The following PHIP variants were observed in gnomAD, a reference collection of about 807,000 sequenced individuals.
PHIP encodes PH-interacting protein.
Under a neutral mutation model 236.8 loss-of-function variants are expected in PHIP, and 54 were observed. The ratio of observed to expected loss-of-function variants is 0.23; its 90% confidence interval spans 0.18 to 0.29. PHIP has a LOEUF of 0.29. Ranked by LOEUF, PHIP falls within the 10% of genes least tolerant of loss-of-function variation. The pLI, the probability that PHIP is intolerant of heterozygous loss-of-function variation, is 1.00. For synonymous variants in PHIP, 756 were observed against 718.9 expected, an observed-to-expected ratio of 1.05 and a Z score of -0.83; for missense variants, 1,370 against 2,190.8, an observed-to-expected ratio of 0.63 and a Z score of 7.48.
rs550750750 is a variant in PHIP at position 79,006,126 on chromosome 6, T to C, written c.1525-2268A>G. ...AATCATATCAGAAAAAAGAAAAGGA[T>C]ATTATTTGGATTAACCATTTGTTTA... On this transcript the variant is annotated intron_variant, in intron 15 of 39. Transcript: ENST00000275034. Among the ~76,000 whole-genome samples, 475 of 152,042 alleles carry C rather than the reference T, an allele frequency of 3.1e-3. 3 individuals are homozygous for C. The highest frequency in any genetic ancestry group is 0.011 in the African/African-American group (441 of 41,530).
At chr6:78,955,170 G>A in intron 34 of PHIP, 62 bp downstream of exon 34, 1 of 1,155,172 alleles carries the variant, frequency 8.7e-7, no homozygotes, top group South Asian at 1.5e-5. Context: ...AAAAAATAAA[G>A]AAAGCTCTTA....
intron 6 of PHIP, among the ~76,000 whole-genome samples, chr6:79,059,444 T>C (rs982027797): frequency 6.6e-5 from 10 of 151,368 alleles, no homozygotes; most frequent in Non-Finnish European, 8.8e-5. Context: ...AGTTAGATAG[T>C]AGATTTAAAC....
Position 79,033,501 on chromosome 6 carries a change from T to C in PHIP, c.601-7337A>G, listed in dbSNP as rs1168433568. 3.9e-5 allele frequency among the ~76,000 whole-genome samples: 6 copies of C among 152,230 alleles called. No homozygotes were observed. The East Asian group carries it at 1.2e-3, about 29-fold the overall frequency. The stretch of plus-strand genomic sequence containing the variant: ...TGCTTCACGTTGCACTTTTATGTTA[T>C]GGAGATGGCTTTTTTCCTTAAACCT... On this transcript the variant is annotated intron_variant, in intron 7 of 39. Coordinates refer to ENST00000275034, the MANE Select transcript of PHIP (RefSeq NM_017934.7).
In PHIP at chr6:78,953,747, G is replaced by A. The variant is rs193105723; in HGVS notation, c.4053+1067C>T. ...TGTAAGTTAGAACAAAAATTAGCCC[G>A]GCTAATTTTTGTACTTTTAGTAGAG... On this transcript the variant is annotated intron_variant, in intron 35 of 39. Transcript: ENST00000275034. Among the ~76,000 whole-genome samples, 488 of 151,984 alleles carry A rather than the reference G, an allele frequency of 3.2e-3. 3 individuals carry two copies. Among genetic ancestry groups the A allele is most frequent in the African/African-American group, 0.011 (441 of 41,476 alleles).
At position 78,936,349 on chromosome 6, in the gene PHIP, A is replaced by G. The variant is rs1214076870; in HGVS notation, c.*4344T>C. ...CCTGTGACAGGATTTAAGTTTTCTA[A>G]AAGATCTTCAGTAAGACCCCTGTCT... On this transcript the variant is annotated 3_prime_UTR_variant, in exon 40 of 40. Transcript: ENST00000275034. The G allele has an allele frequency of 6.6e-6, 1 of 151,896 alleles. No individual in the cohort carries two copies. Among genetic ancestry groups the G allele is most frequent in the African/African-American group, 2.4e-5 (1 of 41,422 alleles). 9.4% of individuals were successfully genotyped at this position (151,896 alleles called of 1,614,324 possible).
chr6:79,046,375 A>T lies in PHIP; in HGVS notation c.440-3372T>A, dbSNP rs139035882. Among the ~76,000 whole-genome samples, 81 of 152,212 alleles carry T rather than the reference A, an allele frequency of 5.3e-4. No individual in the cohort carries two copies. In the East Asian group the frequency reaches 0.013, roughly 24 times the overall value. On this transcript the variant is annotated intron_variant, in intron 6 of 39. Coordinates refer to ENST00000275034, the MANE Select transcript of PHIP (RefSeq NM_017934.7). ...CCCCTGCCATCACCCATAACTTCTG[A>T]TCCCCTTTTATTCAGCTTTATATTT...
chr6:79,067,374 T>C (rs1052698746), intron 4 of PHIP, among the ~76,000 whole-genome samples: 1 of 152,246 alleles, frequency 6.6e-6, no homozygotes, highest in Non-Finnish European at 1.5e-5. Flanking sequence ...TTGCTTGCTA[T>C]GGGAACAACA....
intron 15 of PHIP, 68 bp from the exon 16 acceptor site, chr6:79,003,926 C>T: frequency 9.7e-7 from 1 of 1,035,868 alleles, no homozygotes; most frequent in Non-Finnish European, 1.4e-6. Context: ...ACTATTATTA[C>T]AATAATTTTA....
intron 19 of PHIP, among the ~76,000 whole-genome samples, chr6:78,996,235 T>C (rs955361110): frequency 6.6e-6 from 1 of 152,180 alleles, no homozygotes; most frequent in African/African-American, 2.4e-5. Flanking sequence ...CCCTGCATCT[T>C]AAAGAAGCAA....
At chr6:79,000,309 T>C (rs961284779) in intron 17 of PHIP, among the ~76,000 whole-genome samples, 2 of 152,000 alleles carry the variant, frequency 1.3e-5, no homozygotes, top group Admixed American at 6.6e-5. Context: ...TACCAACAAC[T>C]GGTATCTATT....
intron 7 of PHIP, among the ~76,000 whole-genome samples, chr6:79,029,245 C>A (rs1032721832): frequency 7.9e-5 from 12 of 152,172 alleles, no homozygotes; most frequent in African/African-American, 4.8e-5. Context: ...GCTGCCCCTA[C>A]CCCTAATTCT....
chr6:79,040,621 T>C (rs987795419), intron 7 of PHIP, among the ~76,000 whole-genome samples: 1 of 152,120 alleles, frequency 6.6e-6, no homozygotes, highest in Non-Finnish European at 1.5e-5. Flanking sequence ...TAGCGTCTAG[T>C]CTGTGCCTAG....
At chr6:79,010,272 A>G (rs1770510934) in intron 15 of PHIP, among the ~76,000 whole-genome samples, 1 of 152,028 alleles carries the variant, frequency 6.6e-6, no homozygotes, top group Admixed American at 6.6e-5. Context: ...CACACTGAGA[A>G]CATGTTAACA....
rs1773444810 is a variant in PHIP at position 78,940,558 on chromosome 6, T to G, written c.*135A>C. 5.6e-6 allele frequency: 1 copy of G among 179,846 alleles called. No individual in the cohort carries two copies. Among genetic ancestry groups the G allele is most frequent in the Non-Finnish European group, 1.1e-5 (1 of 90,658 alleles). 11.1% of individuals were successfully genotyped at this position (179,846 alleles called of 1,614,324 possible). On this transcript the variant is annotated 3_prime_UTR_variant, in exon 40 of 40. Coordinates refer to ENST00000275034, the MANE Select transcript of PHIP (RefSeq NM_017934.7). ...GTGTCTCGTAAGTTTGTTTTTTTTTTTTTTTTTTTTTTTGCAAATCAAATC... is the reference window on the plus strand; with the variant it reads ...GTGTCTCGTAAGTTTGTTTTTTTTTGTTTTTTTTTTTTTGCAAATCAAATC...
At chr6:79,057,707 C>T (rs528764559) in intron 6 of PHIP, among the ~76,000 whole-genome samples, 1 of 152,140 alleles carries the variant, frequency 6.6e-6, no homozygotes, top group South Asian at 2.1e-4. Flanking sequence ...GGTAGCCAGA[C>T]AGAAAATGGC....
intron 6 of PHIP, among the ~76,000 whole-genome samples, chr6:79,052,442 G>A (rs777101821): frequency 2.6e-5 from 4 of 152,164 alleles, no homozygotes; most frequent in Non-Finnish European, 4.4e-5. Flanking sequence ...TATATAGAGT[G>A]CTTTCTAAGC....
rs187614054 is a variant in PHIP at position 78,998,732 on chromosome 6, A to G, written c.1880-341T>C. ...ATAACTGTTCGAAGTCACATATCTA[A>G]TAAGTGGCAATAGTAAGGTTTTCCA... is the stretch of plus-strand genomic sequence containing the variant. On this transcript the variant is annotated intron_variant, in intron 17 of 39. Coordinates refer to ENST00000275034, the MANE Select transcript of PHIP (RefSeq NM_017934.7). 1.2e-4 allele frequency among the ~76,000 whole-genome samples: 19 copies of G among 152,286 alleles called. No homozygotes were observed. In the East Asian group the frequency reaches 3.1e-3, roughly 25 times the overall value.
chr6:79,052,667 G>C lies in PHIP; in HGVS notation c.439+7811C>G, dbSNP rs555146079. Among the ~76,000 whole-genome samples, 37 of 152,240 alleles carry C rather than the reference G, an allele frequency of 2.4e-4. 1 individual carries two copies. Among genetic ancestry groups the C allele is most frequent in the Admixed American group, 1.8e-3 (28 of 15,284 alleles). On this transcript the variant is annotated intron_variant, in intron 6 of 39. Transcript: ENST00000275034. The stretch of plus-strand genomic sequence containing the variant: ...GTTCTGAAAACAAAATTTCATTTTA[G>C]AAAAAATTTAATCAGCTTGACACCA...
At chr6:78,947,268 T>G (rs950318880) in intron 36 of PHIP, among the ~76,000 whole-genome samples, 18 of 152,314 alleles carry the variant, frequency 1.2e-4, no homozygotes, top group Middle Eastern at 3.4e-3. Flanking sequence ...TCATGTCTGG[T>G]CAGAGTGTTA....
Sources: allele counts gnomAD v4.1 joint callset (sites outside exome capture counted in the v4.1 genomes callset), GRCh38; gene constraint gnomAD v4.1.1; transcripts MANE v1.5; gene names NCBI Gene and HGNC (gene_info 2026-07-23, HGNC 2026-07-21).